TRDN: variants seen among roughly 807,000 people sequenced by gnomAD.
TRDN encodes the protein triadin in skeletal muscle.
In TRDN, 161 loss-of-function variants were observed where a neutral mutation model predicts 149.7. The ratio of observed to expected loss-of-function variants is 1.08; its 90% CI spans 0.95 to 1.23. TRDN has a LOEUF of 1.23. Ranked by LOEUF, TRDN falls within the 50% of genes most tolerant of loss-of-function variation. TRDN has a pLI of 0.00. For missense variants in TRDN, 896 were observed against 823.5 expected (o/e 1.09, Z -1.08); for synonymous variants, 294 against 250.5 (o/e 1.17, Z -1.64).
intron 1 of TRDN, among the ~76,000 whole-genome samples, chr6:123,579,496 T>C (rs1010466927): frequency 5.9e-5 from 9 of 152,212 alleles, no homozygotes; most frequent in African/African-American, 1.9e-4. Flanking sequence ...GAAGACTACT[T>C]GATAGTGATC....
At chr6:123,473,603 G>A (rs532087298) in intron 9 of TRDN, among the ~76,000 whole-genome samples, 101 of 151,826 alleles carry the variant, frequency 6.7e-4, no homozygotes, top group Non-Finnish European at 1.2e-3. Context: ...AGGCCACAAA[G>A]ATACTCCTCG....
intron 19 of TRDN, among the ~76,000 whole-genome samples, chr6:123,367,278 G>A (rs1781142772): frequency 6.6e-6 from 1 of 152,086 alleles, no homozygotes; most frequent in Non-Finnish European, 1.5e-5. Context: ...CTTTTGATTA[G>A]TTGAGGTTGT....
intron 7 of TRDN, chr6:123,510,378 G>A (rs1779115650): frequency 6.6e-6 from 1 of 151,942 alleles, no homozygotes; most frequent in Non-Finnish European, 1.5e-5. Context: ...CTGAATTGAG[G>A]CTTCTAGCTA....
chr6:123,582,653 G>T (rs1288140092), intron 1 of TRDN, among the ~76,000 whole-genome samples: 2 of 152,142 alleles, frequency 1.3e-5, no homozygotes, highest in Non-Finnish European at 2.9e-5. Context: ...AATGTTATCA[G>T]TTAAGGCAGG....
At chr6:123,353,200 T>C (rs911487314) in intron 20 of TRDN, among the ~76,000 whole-genome samples, 10 of 151,810 alleles carry the variant, frequency 6.6e-5, no homozygotes, top group Non-Finnish European at 4.4e-5. Context: ...GTGCACTCCA[T>C]TGAAAGAATT....
intron 1 of TRDN, among the ~76,000 whole-genome samples, chr6:123,619,339 G>C (rs76592248): frequency 3.7e-3 from 556 of 152,252 alleles, no homozygotes; most frequent in Non-Finnish European, 6.9e-3. Flanking sequence ...CCATTATCAA[G>C]ATGACTCATT....
At chr6:123,335,183 C>G (rs1037534920) in intron 22 of TRDN, among the ~76,000 whole-genome samples, 1 of 151,672 alleles carries the variant, frequency 6.6e-6, no homozygotes, top group Non-Finnish European at 1.5e-5. Flanking sequence ...AAATGAAATT[C>G]TTCTAAAACA....
At chr6:123,357,252 TG>T (rs1562276295) in intron 20 of TRDN, among the ~76,000 whole-genome samples, 1 of 152,056 alleles carries the variant, frequency 6.6e-6, no homozygotes, top group Non-Finnish European at 1.5e-5. Flanking sequence ...AGACTTGTTT[TG>T]TAATTAAATG....
chr6:123,602,815 G>A (rs1235656943), intron 1 of TRDN, among the ~76,000 whole-genome samples: 1 of 152,000 alleles, frequency 6.6e-6, no homozygotes, highest in Non-Finnish European at 1.5e-5. Context: ...CAGTGGACTA[G>A]CACTCACAGC....
intron 2 of TRDN, among the ~76,000 whole-genome samples, chr6:123,563,853 G>A (rs1478585440): frequency 1.3e-5 from 2 of 152,046 alleles, no homozygotes; most frequent in Non-Finnish European, 2.9e-5. Flanking sequence ...TGTCACCCAG[G>A]CTGGAGTGCA....
chr6:123,221,464 T>C (rs1775145597), intron 40 of TRDN, 23 bp downstream of exon 40: 1 of 1,509,218 alleles, frequency 6.6e-7, no homozygotes, highest in Non-Finnish European at 9.1e-7. Flanking sequence ...GATTTATTAC[T>C]TTTAATCTCA....
chr6:123,624,330 A>G (rs1785542116), intron 1 of TRDN, among the ~76,000 whole-genome samples: 1 of 152,126 alleles, frequency 6.6e-6, no homozygotes, highest in Non-Finnish European at 1.5e-5. Context: ...CCAGACCAAC[A>G]AGACACTTCA....
intron 10 of TRDN, among the ~76,000 whole-genome samples, chr6:123,464,096 C>T (rs1330733518): frequency 6.6e-6 from 1 of 152,168 alleles, no homozygotes; most frequent in Non-Finnish European, 1.5e-5. Flanking sequence ...GCTTTAATTA[C>T]TGGTGTTTTA....
intron 2 of TRDN, among the ~76,000 whole-genome samples, chr6:123,550,695 G>C (rs542870761): frequency 2.5e-4 from 38 of 152,106 alleles, no homozygotes; most frequent in African/African-American, 8.4e-4. Context: ...ATATGAACGA[G>C]AGGATTTCTG....
intron 5 of TRDN, chr6:123,528,917 T>G: frequency 9.0e-7 from 1 of 1,109,508 alleles, no homozygotes; most frequent in South Asian, 3.0e-5. Flanking sequence ...TTTGGTCTAC[T>G]CAAGAAATAT....
chr6:123,443,013 AG>A (rs147924022), intron 10 of TRDN, among the ~76,000 whole-genome samples: 22 of 152,234 alleles, frequency 1.4e-4, no homozygotes, highest in African/African-American at 5.1e-4. Context: ...AATGTGTTTG[AG>A]TCCCCTTTCA....
At chr6:123,399,610 C>T (rs1772879425) in intron 12 of TRDN, among the ~76,000 whole-genome samples, 1 of 152,100 alleles carries the variant, frequency 6.6e-6, no homozygotes. Context: ...AAAGAAATAC[C>T]TGTCTTAGAG....
At chr6:123,513,487 A>C (rs1372535238) in intron 6 of TRDN, among the ~76,000 whole-genome samples, 1 of 152,132 alleles carries the variant, frequency 6.6e-6, no homozygotes, top group African/African-American at 2.4e-5. Context: ...TGGAAAAAAA[A>C]TCACAAGAAA....
At chr6:123,479,671 G>T (rs1191200988) in intron 9 of TRDN, among the ~76,000 whole-genome samples, 5 of 152,122 alleles carry the variant, frequency 3.3e-5, no homozygotes, top group Non-Finnish European at 7.4e-5. Context: ...ACAGTATCCT[G>T]TCTTTGAGCT....
Sources: gnomAD v4.1 joint callset for allele counts (sites outside exome capture counted in the v4.1 genomes callset) on GRCh38, gnomAD v4.1.1 for gene constraint, MANE v1.5 for transcripts, NCBI Gene and HGNC (gene_info 2026-07-23, HGNC 2026-07-21) for gene names.